CHSY3: variants seen among roughly 807,000 people sequenced by gnomAD.
CHSY3 encodes the protein N-acetylgalactosaminyl-proteoglycan 3-beta-glucuronosyltransferase 3.
Under a neutral mutation model 67.2 loss-of-function variants are expected in CHSY3, and 35 were observed. The ratio of observed to expected loss-of-function variants is 0.52; its 90% confidence interval spans 0.40 to 0.69. The LOEUF (loss-of-function observed/expected upper bound fraction) is 0.69. CHSY3 is among the 30% of genes least tolerant of loss of function. CHSY3 has a pLI of 0.00. For missense variants in CHSY3, 1,069 were observed against 1,138.5 expected, an observed-to-expected ratio of 0.94 and a Z score of 0.88; for synonymous variants, 474 against 434.7, an observed-to-expected ratio of 1.09 and a Z score of -1.12.
chr5:130,134,044 C>T (rs1467874037), intron 2 of CHSY3, among the ~76,000 whole-genome samples: 2 of 151,888 alleles, frequency 1.3e-5, no homozygotes, highest in African/African-American at 4.8e-5. Context: ...TACATTTTTC[C>T]ACTAATTTTT....
At chr5:130,065,270 A>G (rs768184450) in intron 2 of CHSY3, among the ~76,000 whole-genome samples, 1 of 152,122 alleles carries the variant, frequency 6.6e-6, no homozygotes. Context: ...CAACTTTGAC[A>G]TTTAGAACCA....
intron 2 of CHSY3, among the ~76,000 whole-genome samples, chr5:130,025,984 G>A (rs575215584): frequency 6.6e-6 from 1 of 152,196 alleles, no homozygotes; most frequent in South Asian, 2.1e-4. Flanking sequence ...TATTAACATG[G>A]ATAGCCCCTT....
At chr5:129,974,576 AG>A (rs1181433010) in intron 2 of CHSY3, among the ~76,000 whole-genome samples, 13 of 152,256 alleles carry the variant, frequency 8.5e-5, no homozygotes, top group African/African-American at 3.1e-4. Context: ...TAGTTCCTCA[AG>A]GCTGTCAAGT....
chr5:129,966,201 T>A (rs796468007), intron 2 of CHSY3, among the ~76,000 whole-genome samples: 5 of 151,972 alleles, frequency 3.3e-5, no homozygotes, highest in African/African-American at 1.2e-4. Flanking sequence ...AAGTGTGGAG[T>A]ATTTTTCTTC....
chr5:129,990,377 A>AGTGTGTGTGTGTGTGTGT (rs34958818), intron 2 of CHSY3, among the ~76,000 whole-genome samples: 8 of 147,476 alleles, frequency 5.4e-5, no homozygotes, highest in Admixed American at 4.8e-4. Context: ...TGAGTGAGTG[A>AGTGTGTGTGTGTGTGTGT]GTGTGTGTGT....
chr5:130,146,997 T>G (rs1769094098), intron 2 of CHSY3, among the ~76,000 whole-genome samples: 1 of 152,178 alleles, frequency 6.6e-6, no homozygotes, highest in African/African-American at 2.4e-5. Context: ...TTTCACCACG[T>G]TGGCCTGGCT....
At chr5:130,109,334 C>G (rs1169682243) in intron 2 of CHSY3, among the ~76,000 whole-genome samples, 1 of 151,564 alleles carries the variant, frequency 6.6e-6, no homozygotes. Flanking sequence ...ATACTTTCTA[C>G]TTCATTTCCA....
intron 2 of CHSY3, among the ~76,000 whole-genome samples, chr5:130,173,182 T>C (rs1356164940): frequency 1.3e-5 from 2 of 152,154 alleles, no homozygotes; most frequent in Non-Finnish European, 2.9e-5. Context: ...GCCTTTGGAC[T>C]ACACGTTTTC....
At chr5:130,000,863 A>C (rs1276911844) in intron 2 of CHSY3, among the ~76,000 whole-genome samples, 2 of 137,222 alleles carry the variant, frequency 1.5e-5, no homozygotes, top group African/African-American at 2.7e-5. Context: ...AGGCTAGGGC[A>C]CAGCACCAGC....
intron 2 of CHSY3, among the ~76,000 whole-genome samples, chr5:129,984,096 T>C (rs1763101136): frequency 6.6e-6 from 1 of 152,090 alleles, no homozygotes; most frequent in Admixed American, 6.6e-5. Flanking sequence ...AATTGTGTGT[T>C]GCGGGAGTTT....
chr5:130,177,411 C>T (rs923538791), intron 2 of CHSY3, among the ~76,000 whole-genome samples: 1 of 151,934 alleles, frequency 6.6e-6, no homozygotes, highest in African/African-American at 2.4e-5. Flanking sequence ...GATTTTCTCT[C>T]TGCTTGGGAA....
chr5:130,184,902 T>A lies in CHSY3; in HGVS notation c.1760T>A (p.Ile587Asn), dbSNP rs753729940. 1.4e-5 allele frequency: 22 copies of A among 1,547,942 alleles called. No individual in the cohort carries two copies. Among genetic ancestry groups the A allele is most frequent in the Non-Finnish European group, 2.0e-5 (22 of 1,119,876 alleles). The change falls in exon 3 of 3, where the codon ATT becomes AAT. Residue 587 changes from isoleucine (I) to asparagine (N), a missense_variant. Physicochemically the swap from Ile to Asn is moderately radical, Grantham distance 149 (BLOSUM62 -3). Transcript: ENST00000305031. ...ELDVNSLVES[I>N]NSETQSFSFI... ...GATGTCAACAGTCTTGTGGAGAGTA[T>A]TAACAGTGAAACTCAGTCATTCTCC... is the stretch of plus-strand genomic sequence containing the variant.
At chr5:130,035,288 A>T (rs1192174325) in intron 2 of CHSY3, among the ~76,000 whole-genome samples, 1 of 152,108 alleles carries the variant, frequency 6.6e-6, no homozygotes. Context: ...TTTAATTTAG[A>T]ACCCATGGGA....
intron 2 of CHSY3, among the ~76,000 whole-genome samples, chr5:129,940,714 A>G (rs1041723764): frequency 1.3e-5 from 2 of 151,928 alleles, no homozygotes; most frequent in African/African-American, 4.8e-5. Flanking sequence ...TATATATAGT[A>G]TATACAGGTG....
intron 2 of CHSY3, among the ~76,000 whole-genome samples, chr5:129,927,374 C>T (rs930895302): frequency 6.6e-6 from 1 of 151,930 alleles, no homozygotes; most frequent in African/African-American, 2.4e-5. Flanking sequence ...CAAATGGTCA[C>T]AAGAACTAAG....
At chr5:129,943,627 G>T (rs1423082852) in intron 2 of CHSY3, among the ~76,000 whole-genome samples, 1 of 152,078 alleles carries the variant, frequency 6.6e-6, no homozygotes, top group East Asian at 1.9e-4. Flanking sequence ...CCCTTTAAAC[G>T]TATTTCGTAC....
chr5:129,964,213 GACTA>G (rs1365816411), intron 2 of CHSY3, among the ~76,000 whole-genome samples: 2 of 151,826 alleles, frequency 1.3e-5, no homozygotes, highest in African/African-American at 4.8e-5. Context: ...TGTGATCCTA[GACTA>G]ACTGACTGAA....
intron 2 of CHSY3, among the ~76,000 whole-genome samples, chr5:130,170,385 G>A (rs992959445): frequency 1.3e-5 from 2 of 152,134 alleles, no homozygotes; most frequent in Middle Eastern, 3.4e-3. Context: ...CCAGTCAACT[G>A]TTGATGGACA....
chr5:130,102,710 G>A (rs1324165927), intron 2 of CHSY3, among the ~76,000 whole-genome samples: 5 of 152,076 alleles, frequency 3.3e-5, no homozygotes, highest in Admixed American at 3.3e-4. Flanking sequence ...TGAACCTAAA[G>A]CCAAATTATG....
Sources: gnomAD v4.1 joint callset for allele counts (sites outside exome capture counted in the v4.1 genomes callset) on GRCh38, gnomAD v4.1.1 for gene constraint, MANE v1.5 for transcripts, NCBI Gene and HGNC (gene_info 2026-07-23, HGNC 2026-07-21) for gene names.